ITGB5: variants seen among roughly 807,000 people sequenced by gnomAD.
ITGB5 encodes the protein integrin subunit beta 5, also known as integrin beta-5.
In ITGB5, 38 loss-of-function variants were observed where a neutral mutation model predicts 84.8. That is an observed-to-expected ratio of 0.45 (90% CI 0.35 to 0.59). The LOEUF is 0.59. Ranked by LOEUF, ITGB5 falls within the 20% of genes least tolerant of loss-of-function variation. The probability of loss-of-function intolerance (pLI) is 0.01; values close to 1 mark genes in which losing one functional copy is unlikely to be tolerated. For synonymous variants in ITGB5, 393 were observed against 414.4 expected (o/e 0.95, Z 0.63); for missense variants, 905 against 1,034.5 (o/e 0.87, Z 1.72).
intron 11 of ITGB5, among the ~76,000 whole-genome samples, chr3:124,770,854 G>A (rs966925943): frequency 6.6e-6 from 1 of 152,218 alleles, no homozygotes; most frequent in African/African-American, 2.4e-5. Context: ...GGAAGGGGTG[G>A]TTCCAGCTTC....
At chr3:124,821,267 C>A in intron 6 of ITGB5, 46 bp downstream of exon 6, 1 of 1,574,798 alleles carries the variant, frequency 6.4e-7, no homozygotes, top group South Asian at 1.2e-5. Flanking sequence ...CGGGCAGGGT[C>A]ACAAGAGAGG....
chr3:124,780,226 TGCTCCATTCACCCCCAAAC>T (rs1300932615), intron 10 of ITGB5, among the ~76,000 whole-genome samples: 17 of 136,888 alleles, frequency 1.2e-4, no homozygotes, highest in African/African-American at 5.6e-4. Flanking sequence ...ACAAAGCCAC[TGCTCCATTCACCCCCAAAC>T]GCCACTCTGG....
chr3:124,764,526 G>T lies in ITGB5; in HGVS notation c.2169C>A (p.Ile723=). Residue 723 remains isoleucine (I), a synonymous_variant, in exon 14 of 15, where the codon ATC becomes ATA. Transcript: ENST00000296181. ...GGATGCTACCGACCACAGCCAGGAG[G>T]ATGGTCATGGCGTTGGGGGTGTTTC... ...ECGNTPNAMT[I]LLAVVGSILL... 1 of 1,613,846 alleles carries T rather than the reference G, an allele frequency of 6.2e-7. No individual in the cohort carries two copies. The highest frequency in any genetic ancestry group is 8.5e-7 in the Non-Finnish European group (1 of 1,179,840).
At chr3:124,887,749 A>T, upstream of ITGB5, 1 of 446,370 alleles carries the variant, frequency 2.2e-6, no homozygotes, top group Non-Finnish European at 4.5e-6. Flanking sequence ...GAGGGAGAGC[A>T]GGTACGGGGG....
chr3:124,794,370 A>G (rs1398341995), intron 10 of ITGB5, among the ~76,000 whole-genome samples: 1 of 152,194 alleles, frequency 6.6e-6, no homozygotes, highest in Non-Finnish European at 1.5e-5. Context: ...ACAACACACT[A>G]AAAAAGTACC....
At chr3:124,770,473 A>T (rs993288586) in intron 11 of ITGB5, among the ~76,000 whole-genome samples, 1 of 152,222 alleles carries the variant, frequency 6.6e-6, no homozygotes, top group African/African-American at 2.4e-5. Context: ...TGCAACTGCA[A>T]TGTAGAGCCT....
intron 1 of ITGB5, among the ~76,000 whole-genome samples, chr3:124,882,040 T>C (rs1934594207): frequency 6.6e-6 from 1 of 152,182 alleles, no homozygotes; most frequent in Non-Finnish European, 1.5e-5. Context: ...GCCGCATGCA[T>C]AGTCCCTGAC....
chr3:124,840,824 C>T (rs960238816), intron 5 of ITGB5, among the ~76,000 whole-genome samples: 1 of 152,058 alleles, frequency 6.6e-6, no homozygotes, highest in Admixed American at 6.5e-5. Context: ...TCACCATGCC[C>T]GGCTAATTTT....
intron 12 of ITGB5, among the ~76,000 whole-genome samples, chr3:124,767,504 C>T (rs912652519): frequency 8.5e-5 from 13 of 152,232 alleles, no homozygotes; most frequent in Non-Finnish European, 1.5e-4. Context: ...ACGGCTGTCA[C>T]TGCTATAAAC....
At chr3:124,850,031 C>T (rs888539900) in intron 3 of ITGB5, among the ~76,000 whole-genome samples, 9 of 152,036 alleles carry the variant, frequency 5.9e-5, no homozygotes, top group Admixed American at 4.6e-4. Flanking sequence ...GGCCTCACTC[C>T]TGCCCAGCGG....
rs767208209 is a variant in ITGB5, at chr3:124,764,447, C to T, written c.2248G>A (p.Asp750Asn). 3.1e-6 allele frequency: 5 copies of T among 1,613,916 alleles called. No homozygotes were observed. Among genetic ancestry groups the T allele is most frequent in the South Asian group, 2.2e-5 (2 of 91,036 alleles). The change falls in exon 14 of 15, where the codon GAC becomes AAC. Residue 750 changes from aspartate to asparagine, a missense_variant. Transcript: ENST00000296181. ...TGAAACTTTGCAAACTCCCTCCGGT[C>T]GTGGATGGTGACAAGCAGCTTCCAG... ...AIWKLLVTIHDRREFAKFQSE... is the reference protein window; with the variant it reads ...AIWKLLVTIHNRREFAKFQSE...
chr3:124,804,348 ACT>A (rs2064361124), intron 9 of ITGB5, among the ~76,000 whole-genome samples: 4 of 152,008 alleles, frequency 2.6e-5, no homozygotes, highest in Admixed American at 2.0e-4. Flanking sequence ...ACATAGCAAG[ACT>A]CTGTTTCTTA....
intron 10 of ITGB5, among the ~76,000 whole-genome samples, chr3:124,774,745 C>A (rs889570026): frequency 1.3e-5 from 2 of 151,984 alleles, no homozygotes; most frequent in African/African-American, 4.8e-5. Flanking sequence ...CCCAGGGACC[C>A]GAAACCCAGA....
chr3:124,785,339 T>C (rs1171884292), intron 10 of ITGB5, among the ~76,000 whole-genome samples: 1 of 151,626 alleles, frequency 6.6e-6, no homozygotes, highest in Non-Finnish European at 1.5e-5. Flanking sequence ...ATCCCAGCAC[T>C]TTGGGAGGCC....
chr3:124,842,587 C>A (rs1009859781), intron 4 of ITGB5, among the ~76,000 whole-genome samples: 7 of 152,046 alleles, frequency 4.6e-5, no homozygotes, highest in Non-Finnish European at 7.4e-5. Flanking sequence ...TGAGGATGGG[C>A]GAGGAGGAGC....
chr3:124,875,249 G>A (rs1934252327), intron 1 of ITGB5, among the ~76,000 whole-genome samples: 1 of 152,074 alleles, frequency 6.6e-6, no homozygotes, highest in Admixed American at 6.6e-5. Context: ...AGGCCGAGGT[G>A]GGTGGATCAC....
chr3:124,861,511 C>T (rs2065300441), intron 2 of ITGB5, among the ~76,000 whole-genome samples: 1 of 146,550 alleles, frequency 6.8e-6, no homozygotes, highest in Non-Finnish European at 1.5e-5. Flanking sequence ...CACACACACA[C>T]ACACACACAC....
chr3:124,828,537 T>C (rs1226308291), intron 5 of ITGB5, among the ~76,000 whole-genome samples: 1 of 152,210 alleles, frequency 6.6e-6, no homozygotes, highest in African/African-American at 2.4e-5. Flanking sequence ...GAAGAAATGA[T>C]GATAAAGGGG....
intron 2 of ITGB5, among the ~76,000 whole-genome samples, chr3:124,863,560 C>T (rs2065336610): frequency 6.6e-6 from 1 of 152,166 alleles, no homozygotes; most frequent in Non-Finnish European, 1.5e-5. Flanking sequence ...ACTCTGTCAC[C>T]CAGGCTGGAG....
Sources: allele counts gnomAD v4.1 joint callset (sites outside exome capture counted in the v4.1 genomes callset), GRCh38; gene constraint gnomAD v4.1.1; transcripts MANE v1.5; gene names NCBI Gene and HGNC (gene_info 2026-07-23, HGNC 2026-07-21).